The following UNC13C variants were observed in gnomAD, a reference collection of about 807,000 sequenced individuals.
The protein encoded by UNC13C is protein unc-13 homolog C.
UNC13C carries 174 observed loss-of-function variants against 245.4 expected under a neutral mutation model. The observed-to-expected ratio is 0.71, with a 90% CI of 0.63 to 0.80. UNC13C has a LOEUF of 0.80. Among genes scored for constraint, UNC13C ranks in the 30% least tolerant of loss-of-function variants. The probability of loss-of-function intolerance (pLI) is 0.00; values close to 1 mark genes in which losing one functional copy is unlikely to be tolerated. For missense variants in UNC13C, 2,829 were observed against 2,602.9 expected (o/e 1.09, Z -1.89); for synonymous variants, 992 against 895.1 (o/e 1.11, Z -1.93).
chr15:54,340,995 A>T (rs2038714900), intron 17 of UNC13C, among the ~76,000 whole-genome samples: 1 of 152,192 alleles, frequency 6.6e-6, no homozygotes. Context: ...GAATGCTTAT[A>T]CACTGTTGGT....
chr15:54,182,650 C>G, intron 4 of UNC13C, among the ~76,000 whole-genome samples: 1 of 151,750 alleles, frequency 6.6e-6, no homozygotes, highest in South Asian at 2.1e-4. Context: ...TGGGTGTTTT[C>G]TTTTTTTTAA....
At chr15:54,501,660 G>A (rs796836721) in intron 22 of UNC13C, among the ~76,000 whole-genome samples, 4 of 152,110 alleles carry the variant, frequency 2.6e-5, no homozygotes, top group East Asian at 1.9e-4. Context: ...GAAAGATGAC[G>A]TGAAAAGGGA....
intron 19 of UNC13C, among the ~76,000 whole-genome samples, chr15:54,429,500 AG>A (rs1438482241): frequency 6.6e-6 from 1 of 151,792 alleles, no homozygotes; most frequent in African/African-American, 2.4e-5. Context: ...AGTTATATTT[AG>A]CCTTAACATA....
At chr15:54,161,446 A>G (rs77392331) in intron 4 of UNC13C, among the ~76,000 whole-genome samples, 174 of 152,288 alleles carry the variant, frequency 1.1e-3, no homozygotes, top group African/African-American at 3.9e-3. Context: ...GATTTTGTCT[A>G]GTGAAATAGT....
At chr15:53,976,251 A>C (rs188982058), upstream of UNC13C, among the ~76,000 whole-genome samples, 21 of 152,264 alleles carry the variant, frequency 1.4e-4, no homozygotes, top group Admixed American at 1.3e-3. Context: ...ATATGACCAG[A>C]ATCCTGATTA....
At chr15:54,380,316 C>T (rs2039696584) in intron 17 of UNC13C, among the ~76,000 whole-genome samples, 1 of 152,150 alleles carries the variant, frequency 6.6e-6, no homozygotes, top group Non-Finnish European at 1.5e-5. Flanking sequence ...CGTTCTTTAA[C>T]ACTACATAGG....
At chr15:53,843,367 T>C in the UNC13C span, among the ~76,000 whole-genome samples, 2 of 152,030 alleles carry the variant, frequency 1.3e-5, no homozygotes, top group Non-Finnish European at 2.9e-5. Flanking sequence ...GGATTGCTTG[T>C]GGGAGGACTG....
chr15:54,145,673 T>A (rs981233717), intron 4 of UNC13C, among the ~76,000 whole-genome samples: 2 of 152,220 alleles, frequency 1.3e-5, no homozygotes, highest in African/African-American at 2.4e-5. Flanking sequence ...TTAAGTTGAA[T>A]TCTAAGTTAG....
chr15:54,456,122 G>A (rs976535211), intron 19 of UNC13C, among the ~76,000 whole-genome samples: 11 of 152,030 alleles, frequency 7.2e-5, no homozygotes, highest in African/African-American at 2.4e-4. Flanking sequence ...GTTGAATAGG[G>A]TTTCCTTTCC....
At chr15:54,365,669 T>C (rs2039347598) in intron 17 of UNC13C, among the ~76,000 whole-genome samples, 1 of 152,042 alleles carries the variant, frequency 6.6e-6, no homozygotes, top group South Asian at 2.1e-4. Flanking sequence ...TCAGGATTTA[T>C]GATGAAAGAG....
chr15:54,090,931 GGA>G (rs1490564285), intron 2 of UNC13C, among the ~76,000 whole-genome samples: 1 of 152,078 alleles, frequency 6.6e-6, no homozygotes, highest in East Asian at 1.9e-4. Context: ...TGACTGAGAA[GGA>G]CTAAGAAGAA....
At chr15:53,886,008 G>A in the UNC13C span, among the ~76,000 whole-genome samples, 1 of 152,082 alleles carries the variant, frequency 6.6e-6, no homozygotes, top group Non-Finnish European at 1.5e-5. Context: ...CTGACTGTTG[G>A]GTTGGGAATT....
intron 2 of UNC13C, among the ~76,000 whole-genome samples, chr15:54,100,463 A>C (rs1900105557): frequency 6.6e-6 from 1 of 152,092 alleles, no homozygotes; most frequent in Non-Finnish European, 1.5e-5. Flanking sequence ...CCTGCATACA[A>C]ATTCTAAATT....
intron 13 of UNC13C, among the ~76,000 whole-genome samples, chr15:54,313,435 G>A (rs1458507217): frequency 6.6e-6 from 1 of 151,760 alleles, no homozygotes; most frequent in African/African-American, 2.4e-5. Context: ...CTAAATATGG[G>A]CTGGATATAT....
At chr15:54,555,554 C>T in intron 29 of UNC13C, 42 bp downstream of exon 29, 1 of 1,465,240 alleles carries the variant, frequency 6.8e-7, no homozygotes, top group Non-Finnish European at 9.5e-7. Flanking sequence ...AGAGAGGCCC[C>T]CATTTACCTC....
chr15:54,341,981 A>AG (rs2038744726), intron 17 of UNC13C, among the ~76,000 whole-genome samples: 1 of 151,970 alleles, frequency 6.6e-6, no homozygotes, highest in African/African-American at 2.4e-5. Flanking sequence ...GTCTCAAAAA[A>AG]AAAAAAAAAA....
At chr15:53,986,385 C>G (rs1439248170) in intron 1 of UNC13C, among the ~76,000 whole-genome samples, 1 of 152,046 alleles carries the variant, frequency 6.6e-6, no homozygotes, top group Non-Finnish European at 1.5e-5. Context: ...TCTTAAGATA[C>G]TTGACACTAT....
At chr15:54,058,596 C>T (rs1228967895) in intron 2 of UNC13C, among the ~76,000 whole-genome samples, 1 of 152,192 alleles carries the variant, frequency 6.6e-6, no homozygotes, top group African/African-American at 2.4e-5. Flanking sequence ...AGGGAATCCT[C>T]CCTAACTCAT....
At chr15:54,109,088 C>A (rs1198266075) in intron 2 of UNC13C, among the ~76,000 whole-genome samples, 1 of 152,082 alleles carries the variant, frequency 6.6e-6, no homozygotes, top group Non-Finnish European at 1.5e-5. Flanking sequence ...TATTATGCAC[C>A]TCCTGTAATG....
Sources: allele counts gnomAD v4.1 joint callset (sites outside exome capture counted in the v4.1 genomes callset), GRCh38; gene constraint gnomAD v4.1.1; transcripts MANE v1.5; gene names NCBI Gene and HGNC (gene_info 2026-07-23, HGNC 2026-07-21).